RBFOX1: variants seen among roughly 807,000 people sequenced by gnomAD.
The protein encoded by RBFOX1 is RNA binding protein fox-1 homolog 1.
RBFOX1 carries 8 observed loss-of-function variants against 57.7 expected under a neutral mutation model. The observed-to-expected ratio is 0.14, with a 90% CI of 0.08 to 0.25. RBFOX1 has a LOEUF of 0.25. Ranked by LOEUF, RBFOX1 falls within the 10% of genes least tolerant of loss-of-function variation. The pLI is 1.00. For missense variants in RBFOX1, 611 were observed against 548.5 expected (o/e 1.11, Z -1.14); for synonymous variants, 326 against 222.4 (o/e 1.47, Z -4.15).
chr16:5,285,831 A>C (rs1231464544), intron 1 of RBFOX1, among the ~76,000 whole-genome samples: 14 of 152,044 alleles, frequency 9.2e-5, no homozygotes, highest in Non-Finnish European at 1.9e-4. Flanking sequence ...GAGTGCAGTG[A>C]CATAATCTCA....
chr16:5,560,784 A>G (rs2045863033), intron 2 of RBFOX1, among the ~76,000 whole-genome samples: 1 of 152,140 alleles, frequency 6.6e-6, no homozygotes. Context: ...CATGCTGCCA[A>G]ATCTAACATA....
intron 1 of RBFOX1, among the ~76,000 whole-genome samples, chr16:6,316,060 A>G (rs1599557026): frequency 2.0e-5 from 3 of 152,202 alleles, no homozygotes; most frequent in East Asian, 3.9e-4. Context: ...CGTAAATTGT[A>G]CTGCTGCTTT....
chr16:6,761,612 G>T (rs967685673), intron 3 of RBFOX1, among the ~76,000 whole-genome samples: 1 of 136,394 alleles, frequency 7.3e-6, no homozygotes, highest in Non-Finnish European at 1.5e-5. Flanking sequence ...GATTCAAGCA[G>T]TTCTCTGCCT....
intron 2 of RBFOX1, among the ~76,000 whole-genome samples, chr16:6,605,524 C>A (rs998952753): frequency 2.6e-5 from 4 of 152,140 alleles, no homozygotes; most frequent in African/African-American, 7.2e-5. Context: ...GCATTTTGGC[C>A]AAATACAAGC....
intron 2 of RBFOX1, among the ~76,000 whole-genome samples, chr16:6,438,303 T>C (rs2094290968): frequency 6.6e-6 from 1 of 152,168 alleles, no homozygotes; most frequent in Admixed American, 6.5e-5. Flanking sequence ...AGGTGTACTG[T>C]TGTTTCTATG....
chr16:7,133,607 T>A (rs773737696), intron 4 of RBFOX1, among the ~76,000 whole-genome samples: 19 of 152,202 alleles, frequency 1.2e-4, no homozygotes, highest in African/African-American at 4.1e-4. Flanking sequence ...AAAGAAACTT[T>A]CCATTTTATT....
At chr16:5,786,986 A>T (rs1046212917) in intron 3 of RBFOX1, among the ~76,000 whole-genome samples, 51 of 152,234 alleles carry the variant, frequency 3.4e-4, no homozygotes, top group Non-Finnish European at 8.8e-5. Flanking sequence ...AAACACAAAG[A>T]TTAACTGGGC....
intron 3 of RBFOX1, among the ~76,000 whole-genome samples, chr16:6,892,770 GTCTCCCTCTCTCTCTCTCTC>G (rs61503391): frequency 0.016 from 1,425 of 91,808 alleles, 41 homozygotes; most frequent in African/African-American, 0.047. Flanking sequence ...AAGCCTCCCT[GTCTCCCTCTCTCTCTCTCTC>G]TCTCTCTCTC....
intron 3 of RBFOX1, among the ~76,000 whole-genome samples, chr16:5,623,488 G>A (rs540017362): frequency 6.6e-6 from 1 of 152,260 alleles, no homozygotes; most frequent in African/African-American, 2.4e-5. Flanking sequence ...GCTAAGTGCT[G>A]GACAGGCCCA....
intron 4 of RBFOX1, among the ~76,000 whole-genome samples, chr16:7,266,336 C>T (rs1023293176): frequency 4.6e-5 from 7 of 152,136 alleles, no homozygotes; most frequent in African/African-American, 1.7e-4. Flanking sequence ...CCCTCTTGCT[C>T]CTGCTTTGGT....
intron 1 of RBFOX1, among the ~76,000 whole-genome samples, chr16:6,048,989 G>A (rs1385127989): frequency 1.4e-5 from 2 of 146,554 alleles, no homozygotes; most frequent in African/African-American, 5.0e-5. Context: ...TTGGAGACTT[G>A]ATCATCATTT....
At chr16:5,366,780 G>T in intron 1 of RBFOX1, 1 of 276,406 alleles carries the variant, frequency 3.6e-6, no homozygotes, top group Non-Finnish European at 7.0e-6. Context: ...GTAATGCAGA[G>T]TGATAAATTT....
intron 4 of RBFOX1, among the ~76,000 whole-genome samples, chr16:5,867,805 G>A (rs763551213): frequency 6.6e-6 from 1 of 151,944 alleles, no homozygotes; most frequent in African/African-American, 2.4e-5. Context: ...TCCGCCTCCC[G>A]GGTTCAAGTG....
intron 3 of RBFOX1, among the ~76,000 whole-genome samples, chr16:6,903,313 C>G (rs562252147): frequency 6.6e-6 from 1 of 152,206 alleles, no homozygotes; most frequent in Admixed American, 6.5e-5. Context: ...GGTCAGCAGC[C>G]CTTACAGCCT....
intron 2 of RBFOX1, among the ~76,000 whole-genome samples, chr16:6,427,418 G>A (rs980050347): frequency 2.0e-5 from 3 of 152,174 alleles, no homozygotes; most frequent in African/African-American, 4.8e-5. Flanking sequence ...AGTTCTGAAC[G>A]CTGAGCATGG....
chr16:5,393,034 C>T (rs1157913766), intron 1 of RBFOX1, among the ~76,000 whole-genome samples: 1 of 152,054 alleles, frequency 6.6e-6, no homozygotes, highest in African/African-American at 2.4e-5. Flanking sequence ...GAAGAGGTGG[C>T]TAAAAGACCT....
At chr16:5,244,634 A>G (rs1250252994) in intron 1 of RBFOX1, among the ~76,000 whole-genome samples, 13 of 152,248 alleles carry the variant, frequency 8.5e-5, no homozygotes, top group Admixed American at 8.5e-4. Flanking sequence ...ACATGAAGAC[A>G]TGGCAACCCG....
intron 3 of RBFOX1, among the ~76,000 whole-genome samples, chr16:6,811,761 C>G (rs67592037): frequency 1.1e-4 from 17 of 151,988 alleles, no homozygotes; most frequent in African/African-American, 4.1e-4. Context: ...TGGTAGTGCA[C>G]GCCTGTAATC....
intron 2 of RBFOX1, among the ~76,000 whole-genome samples, chr16:6,638,496 T>C (rs9930170): frequency 0.026 from 3,961 of 152,264 alleles, 183 homozygotes; most frequent in African/African-American, 0.091. Flanking sequence ...TAATAAAATA[T>C]GCTTCTGGCA....
Sources: gnomAD v4.1 joint callset for allele counts (sites outside exome capture counted in the v4.1 genomes callset) on GRCh38, gnomAD v4.1.1 for gene constraint, MANE v1.5 for transcripts, NCBI Gene and HGNC (gene_info 2026-07-23, HGNC 2026-07-21) for gene names.